Variants in CDC42SE2 observed in about 807,000 individuals in gnomAD.
CDC42SE2 encodes CDC42 small effector 2.
A neutral mutation model predicts 11.5 loss-of-function variants in CDC42SE2; 3 were observed. That is an observed-to-expected ratio of 0.26 (90% CI 0.12 to 0.67). CDC42SE2 has a LOEUF of 0.67. CDC42SE2 is among the 30% of genes least tolerant of loss of function. The probability of loss-of-function intolerance (pLI) is 0.80; values close to 1 mark genes in which losing one functional copy is unlikely to be tolerated. For missense variants in CDC42SE2, 82 were observed against 106.8 expected, an observed-to-expected ratio of 0.77 and a Z score of 1.02; for synonymous variants, 33 against 34.8, an observed-to-expected ratio of 0.95 and a Z score of 0.18.
intron 3 of CDC42SE2, among the ~76,000 whole-genome samples, chr5:131,364,465 C>T (rs1204613203): frequency 6.6e-6 from 1 of 152,072 alleles, no homozygotes; most frequent in Non-Finnish European, 1.5e-5. Context: ...TAACCAAGGG[C>T]CAGTTCATGT....
intron 3 of CDC42SE2, among the ~76,000 whole-genome samples, chr5:131,374,256 T>C (rs551717772): frequency 1.3e-5 from 2 of 152,234 alleles, no homozygotes; most frequent in South Asian, 4.1e-4. Context: ...ATGGAGGGTA[T>C]TAGAACAATT....
chr5:131,261,095 G>C (rs1475676803), upstream of CDC42SE2, among the ~76,000 whole-genome samples: 1 of 152,240 alleles, frequency 6.6e-6, no homozygotes, highest in African/African-American at 2.4e-5. Context: ...AGAACAACAT[G>C]TTCCTTCCTG....
chr5:131,339,075 G>A (rs1034354224), intron 2 of CDC42SE2, among the ~76,000 whole-genome samples: 1 of 151,478 alleles, frequency 6.6e-6, no homozygotes, highest in Non-Finnish European at 1.5e-5. Context: ...GTGAAACCCC[G>A]TCTCTACTAA....
At chr5:131,226,143 G>C in the CDC42SE2 span, among the ~76,000 whole-genome samples, 2 of 152,226 alleles carry the variant, frequency 1.3e-5, no homozygotes, top group African/African-American at 4.8e-5. Flanking sequence ...GACACAATTG[G>C]TGGCGAAGCG....
intron 1 of CDC42SE2, among the ~76,000 whole-genome samples, chr5:131,279,548 G>C (rs1350477660): frequency 6.9e-6 from 1 of 145,056 alleles, no homozygotes; most frequent in Admixed American, 7.2e-5. Flanking sequence ...TTAAGTGCTT[G>C]CTTACTTTCT....
At chr5:131,260,608 G>A, upstream of CDC42SE2, among the ~76,000 whole-genome samples, 1 of 133,338 alleles carries the variant, frequency 7.5e-6, no homozygotes. Context: ...CTGTGTGACA[G>A]AGCGAGACGC....
chr5:131,333,849 T>G (rs1758486312), intron 2 of CDC42SE2, among the ~76,000 whole-genome samples: 1 of 152,210 alleles, frequency 6.6e-6, no homozygotes, highest in Admixed American at 6.5e-5. Flanking sequence ...CTTATCAGCT[T>G]AAGGAGATTT....
chr5:131,390,842 A>T (rs1221794261), intron 4 of CDC42SE2, 151 bp from the exon 5 acceptor site: 2 of 425,276 alleles, frequency 4.7e-6, no homozygotes, highest in Non-Finnish European at 8.6e-6. Context: ...TATAACTAGA[A>T]AATTGTTTGT....
rs1292287479 is a variant in CDC42SE2 at position 131,392,757 on chromosome 5, T to C, written c.*1666T>C. On this transcript the variant is annotated 3_prime_UTR_variant, in exon 5 of 5. Transcript: ENST00000505065. ...GTTTCTTTGTGCACTCATTCTTTTA[T>C]TTTTACTTCTTTTTAATGTTATGGT... The C allele has an allele frequency of 6.6e-6, 1 of 152,368 alleles. No individual in the cohort carries two copies. The allele number at this position is 152,368 out of a possible 1,614,324, so 9.4% of individuals were successfully genotyped here. A position where few individuals can be genotyped will look rare whatever the true frequency, so the allele number is the denominator to read the frequency against.
chr5:131,309,240 G>C (rs1164153536), intron 1 of CDC42SE2, among the ~76,000 whole-genome samples: 1 of 151,552 alleles, frequency 6.6e-6, no homozygotes, highest in East Asian at 1.9e-4. Flanking sequence ...TTATATGCTG[G>C]ATTACATTTA....
chr5:131,335,070 T>G (rs1224192161), intron 2 of CDC42SE2, among the ~76,000 whole-genome samples: 1 of 151,974 alleles, frequency 6.6e-6, no homozygotes, highest in Non-Finnish European at 1.5e-5. Context: ...GGGTGTCAAT[T>G]TTAGATCTTT....
intron 3 of CDC42SE2, among the ~76,000 whole-genome samples, chr5:131,363,141 T>TAA (rs758946677): frequency 3.6e-5 from 5 of 139,958 alleles, no homozygotes; most frequent in Non-Finnish European, 7.8e-5. Context: ...AGACTCTATC[T>TAA]AAAAAAAAAA....
At chr5:131,384,724 C>G (rs1479913895) in intron 3 of CDC42SE2, among the ~76,000 whole-genome samples, 1 of 151,904 alleles carries the variant, frequency 6.6e-6, no homozygotes, top group African/African-American at 2.4e-5. Context: ...AACAGGGACA[C>G]CAGCTGGTGG....
chr5:131,211,381 G>A, the CDC42SE2 span, among the ~76,000 whole-genome samples: 7,139 of 151,684 alleles, frequency 0.047, 415 homozygotes, highest in African/African-American at 0.14. Flanking sequence ...TTCCTTTTTC[G>A]CAGTGATTTG....
the CDC42SE2 span, among the ~76,000 whole-genome samples, chr5:131,222,628 C>T: frequency 1.3e-5 from 2 of 152,214 alleles, no homozygotes; most frequent in Non-Finnish European, 2.9e-5. Context: ...TGTATTTCTA[C>T]TGCATGTATG....
intron 2 of CDC42SE2, among the ~76,000 whole-genome samples, chr5:131,329,269 T>G (rs1274959711): frequency 6.6e-6 from 1 of 152,238 alleles, no homozygotes; most frequent in Non-Finnish European, 1.5e-5. Flanking sequence ...TGCTTCAGGC[T>G]CCAGGTTACC....
At chr5:131,312,321 G>C (rs370924128) in intron 1 of CDC42SE2, among the ~76,000 whole-genome samples, 1 of 152,172 alleles carries the variant, frequency 6.6e-6, no homozygotes, top group African/African-American at 2.4e-5. Flanking sequence ...CCAGCTGCGT[G>C]CTGGGAGTGC....
intron 3 of CDC42SE2, among the ~76,000 whole-genome samples, chr5:131,369,725 C>T (rs1442323582): frequency 6.6e-6 from 1 of 152,188 alleles, no homozygotes; most frequent in Non-Finnish European, 1.5e-5. Context: ...GGATTATGCA[C>T]AAATTAGAGA....
intron 2 of CDC42SE2, among the ~76,000 whole-genome samples, chr5:131,316,688 C>A (rs561265425): frequency 9.2e-5 from 14 of 152,116 alleles, no homozygotes; most frequent in African/African-American, 3.4e-4. Context: ...AGTGCTGGAG[C>A]CATCTTTTTA....
Sources: gnomAD v4.1 joint callset for allele counts (sites outside exome capture counted in the v4.1 genomes callset) on GRCh38, gnomAD v4.1.1 for gene constraint, MANE v1.5 for transcripts, NCBI Gene and HGNC (gene_info 2026-07-23, HGNC 2026-07-21) for gene names.